KIAA1217: variants seen among roughly 807,000 people sequenced by gnomAD.
The protein encoded by KIAA1217 is sickle tail protein homolog.
A neutral mutation model predicts 163.9 loss-of-function variants in KIAA1217; 88 were observed. That is an observed-to-expected ratio of 0.54 (90% CI 0.45 to 0.64). The LOEUF (loss-of-function observed/expected upper bound fraction) is 0.64. Ranked by LOEUF, KIAA1217 falls within the 30% of genes least tolerant of loss-of-function variation. The pLI is 0.00. For synonymous variants in KIAA1217, 903 were observed against 923.1 expected (o/e 0.98, Z 0.39); for missense variants, 2,372 against 2,475.0 (o/e 0.96, Z 0.88).
intron 2 of KIAA1217, among the ~76,000 whole-genome samples, chr10:24,168,113 C>T (rs2065445160): frequency 6.6e-6 from 1 of 152,162 alleles, no homozygotes; most frequent in African/African-American, 2.4e-5. Context: ...AGATTCTTCA[C>T]TCTCCAGATA....
At chr10:23,857,513 C>T (rs895573326) in intron 1 of KIAA1217, among the ~76,000 whole-genome samples, 1 of 152,174 alleles carries the variant, frequency 6.6e-6, no homozygotes, top group African/African-American at 2.4e-5. Flanking sequence ...TGCCCTTGTG[C>T]CTCAGAGGTG....
chr10:24,190,321 C>T (rs1407992465), intron 2 of KIAA1217, among the ~76,000 whole-genome samples: 1 of 152,056 alleles, frequency 6.6e-6, no homozygotes, highest in Non-Finnish European at 1.5e-5. Context: ...GTTTTGCACC[C>T]CAATGCCCAG....
chr10:23,850,902 CA>C (rs2131095266), intron 1 of KIAA1217, among the ~76,000 whole-genome samples: 1 of 152,176 alleles, frequency 6.6e-6, no homozygotes, highest in East Asian at 1.9e-4. Flanking sequence ...CAATTTTAAA[CA>C]ACCACGTCTC....
chr10:24,215,035 C>T (rs905729063), intron 1 of KIAA1217, among the ~76,000 whole-genome samples: 1 of 152,184 alleles, frequency 6.6e-6, no homozygotes, highest in African/African-American at 2.4e-5. Context: ...TTGAGGAGGC[C>T]CCATCTTCCA....
At chr10:24,097,959 G>A (rs1371440467) in intron 2 of KIAA1217, among the ~76,000 whole-genome samples, 10 of 152,026 alleles carry the variant, frequency 6.6e-5, no homozygotes, top group Non-Finnish European at 1.3e-4. Flanking sequence ...TACAGGCCAC[G>A]GATCTCTGTG....
chr10:24,364,207 G>A (rs897381223), intron 2 of KIAA1217, among the ~76,000 whole-genome samples: 16 of 151,888 alleles, frequency 1.1e-4, no homozygotes, highest in Non-Finnish European at 1.9e-4. Flanking sequence ...TCGAACTCCT[G>A]AGCTCAGGTG....
At chr10:23,786,116 G>T (rs553731366) in intron 1 of KIAA1217, among the ~76,000 whole-genome samples, 3 of 152,258 alleles carry the variant, frequency 2.0e-5, no homozygotes, top group Non-Finnish European at 2.9e-5. Context: ...TTCTGTAAAA[G>T]TCCATGGAAT....
At chr10:24,390,412 C>G (rs1049675091) in intron 3 of KIAA1217, among the ~76,000 whole-genome samples, 1 of 138,810 alleles carries the variant, frequency 7.2e-6, no homozygotes, top group Non-Finnish European at 1.5e-5. Flanking sequence ...AAAATAAAAC[C>G]GATACACACA....
intron 2 of KIAA1217, among the ~76,000 whole-genome samples, chr10:24,026,634 C>A (rs1382482552): frequency 2.0e-5 from 3 of 150,362 alleles, no homozygotes; most frequent in African/African-American, 7.3e-5. Context: ...TCCTTTTTTT[C>A]TCAGTTAGGC....
At chr10:24,071,952 C>G (rs2061202793) in intron 2 of KIAA1217, among the ~76,000 whole-genome samples, 2 of 151,928 alleles carry the variant, frequency 1.3e-5, no homozygotes, top group African/African-American at 4.8e-5. Context: ...GTACAGAATC[C>G]TGGTTAGGAA....
chr10:23,788,202 A>G (rs949738629), intron 1 of KIAA1217, among the ~76,000 whole-genome samples: 2 of 152,160 alleles, frequency 1.3e-5, no homozygotes, highest in African/African-American at 2.4e-5. Context: ...TGTTTCTGGA[A>G]AGGAAAGAAA....
intron 2 of KIAA1217, among the ~76,000 whole-genome samples, chr10:24,098,562 A>G (rs1589488672): frequency 6.6e-6 from 1 of 152,266 alleles, no homozygotes; most frequent in African/African-American, 2.4e-5. Context: ...GGCAGGGTCC[A>G]TGCAAGCCAC....
chr10:23,951,566 T>C (rs898660233), intron 1 of KIAA1217, among the ~76,000 whole-genome samples: 5 of 152,036 alleles, frequency 3.3e-5, no homozygotes, highest in Non-Finnish European at 7.4e-5. Flanking sequence ...AGTGGGAGAA[T>C]TGCTTGAGCC....
chr10:24,117,269 T>C (rs2063096664), intron 2 of KIAA1217, among the ~76,000 whole-genome samples: 1 of 152,142 alleles, frequency 6.6e-6, no homozygotes, highest in South Asian at 2.1e-4. Context: ...TCTCCTGACC[T>C]CAGGTGATCC....
At chr10:24,097,264 G>A (rs1383001218) in intron 2 of KIAA1217, among the ~76,000 whole-genome samples, 1 of 152,188 alleles carries the variant, frequency 6.6e-6, no homozygotes, top group African/African-American at 2.4e-5. Context: ...TCAGAGATTA[G>A]CATCTGGCTG....
intron 1 of KIAA1217, among the ~76,000 whole-genome samples, chr10:23,969,557 C>T (rs979414525): frequency 2.0e-5 from 3 of 152,120 alleles, no homozygotes; most frequent in Admixed American, 1.3e-4. Flanking sequence ...TTTTCATGTG[C>T]TTATCGGCTA....
intron 9 of KIAA1217, among the ~76,000 whole-genome samples, chr10:24,510,204 A>C (rs2134194746): frequency 6.6e-6 from 1 of 152,280 alleles, no homozygotes; most frequent in African/African-American, 2.4e-5. Flanking sequence ...TGTGCTCTCT[A>C]ATTGCCGAGC....
In KIAA1217 at chr10:24,117,075, T is replaced by A. The variant is rs187655576; in HGVS notation, c.-170-102551T>A. On this transcript the variant is annotated intron_variant, in intron 2 of 18. Transcript: ENST00000376462. ...GGGGGGGGATGGAGTTTTGCTCTTG[T>A]TGCCCAGGCTGGAGTGCAGTGGCTC... is the stretch of plus-strand genomic sequence containing the variant. 8.4e-3 allele frequency among the ~76,000 whole-genome samples: 1,279 copies of A among 152,042 alleles called. 19 individuals are homozygous for A. Among genetic ancestry groups the A allele is most frequent in the African/African-American group, 0.03 (1,226 of 41,500 alleles).
At chr10:24,156,289 G>C (rs1455594308) in intron 2 of KIAA1217, among the ~76,000 whole-genome samples, 1 of 152,054 alleles carries the variant, frequency 6.6e-6, no homozygotes, top group Non-Finnish European at 1.5e-5. Context: ...ATTTTTGTGT[G>C]TATCAATAAT....
Sources: gnomAD v4.1 joint callset for allele counts (sites outside exome capture counted in the v4.1 genomes callset) on GRCh38, gnomAD v4.1.1 for gene constraint, MANE v1.5 for transcripts, NCBI Gene and HGNC (gene_info 2026-07-23, HGNC 2026-07-21) for gene names.